ORC5: variants seen among roughly 807,000 people sequenced by gnomAD.
ORC5 encodes origin recognition complex subunit 5.
A neutral mutation model predicts 58.8 loss-of-function variants in ORC5; 39 were observed. The observed-to-expected ratio is 0.66, with a 90% confidence interval of 0.51 to 0.87. The LOEUF is 0.87. Ranked by LOEUF, ORC5 falls within the 40% of genes least tolerant of loss-of-function variation. The probability of loss-of-function intolerance (pLI) is 0.00; values close to 1 mark genes in which losing one functional copy is unlikely to be tolerated. For missense variants in ORC5, 493 were observed against 506.3 expected (o/e 0.97, Z 0.25); for synonymous variants, 218 against 177.6 (o/e 1.23, Z -1.81).
rs143740018 is a variant in ORC5 at position 104,207,793 on chromosome 7, G to A, written c.72+40C>T. The A allele has an allele frequency of 2.3e-4, 363 of 1,571,508 alleles. 1 individual carries two copies. In the African/African-American group the frequency reaches 4.1e-3, roughly 18 times the overall value. ...GAACAGGTCGCAAGACTACCGAAAC[G>A]TCTGCCTCCAGGATCTGGAAGACAG... On this transcript the variant is annotated intron_variant, in intron 1 of 13. Coordinates refer to ENST00000297431, the MANE Select transcript of ORC5 (RefSeq NM_002553.4).
chr7:104,207,451 A>G (rs551049731), intron 1 of ORC5, among the ~76,000 whole-genome samples: 104 of 152,310 alleles, frequency 6.8e-4, no homozygotes, highest in African/African-American at 2.1e-3. Flanking sequence ...CACTCCAACT[A>G]CCGCACAGAA....
Position 104,187,842 on chromosome 7 carries a change from A to G in ORC5, c.684+409T>C, listed in dbSNP as rs714519. 0.031 allele frequency: 30,119 copies of G among 987,116 alleles called. 2,442 individuals are homozygous for G. In the East Asian group the frequency reaches 0.47, roughly 15 times the overall value. 61.1% of individuals were successfully genotyped at this position (987,116 alleles called of 1,614,324 possible). A position where few individuals can be genotyped will look rare whatever the true frequency, so the allele number is the denominator to read the frequency against. On this transcript the variant is annotated intron_variant, in intron 6 of 13. Transcript: ENST00000297431. Reference sequence around the variant, plus strand: ...AAATCCATCTAGATTCTAGACCTCAATCACCGCATACATAAAACTTGAACA... The same window carrying G: ...AAATCCATCTAGATTCTAGACCTCAGTCACCGCATACATAAAACTTGAACA...
At chr7:104,192,224 G>A (rs971031094) in intron 5 of ORC5, among the ~76,000 whole-genome samples, 2 of 152,122 alleles carry the variant, frequency 1.3e-5, no homozygotes, top group Non-Finnish European at 2.9e-5. Context: ...CCAAAAAAGA[G>A]CTCCAGAAAT....
At chr7:104,156,333 CACTT>C (rs946743408) in intron 12 of ORC5, among the ~76,000 whole-genome samples, 133 of 151,828 alleles carry the variant, frequency 8.8e-4, no homozygotes, top group African/African-American at 2.7e-3. Flanking sequence ...CTATTCTCTT[CACTT>C]ACTTGTGAGA....
rs1799492743 is a variant in ORC5 at position 104,184,147 on chromosome 7, A to C, written c.709T>G (p.Cys237Gly). Residue 237 changes from cysteine (C) to glycine (G), a missense_variant, in exon 7 of 14, where the codon TGT becomes GGT. Cys to Gly is a radical substitution (Grantham distance 159). Transcript: ENST00000297431. Reference protein sequence around the residue: ...HLAVLNFPKYCEPVVKGEASE... With the variant: ...HLAVLNFPKYGEPVVKGEASE... ...CCTTCTCCTTTAACCACGGGTTCAC[A>C]ATATTTAGGAAAATTAAGTACTGCC... is the stretch of plus-strand genomic sequence containing the variant. The C allele has an allele frequency of 6.3e-7, 1 of 1,581,036 alleles. No individual in the cohort carries two copies. The highest frequency in any genetic ancestry group is 1.8e-5 in the Admixed American group (1 of 57,006).
At chr7:104,169,653 T>G (rs935919201) in intron 8 of ORC5, among the ~76,000 whole-genome samples, 6 of 152,200 alleles carry the variant, frequency 3.9e-5, no homozygotes, top group Non-Finnish European at 8.8e-5. Flanking sequence ...AAAATCTGCA[T>G]GAAGAACAGG....
intron 9 of ORC5, 104 bp from the exon 10 acceptor site, chr7:104,166,988 A>T (rs1196651453): frequency 1.6e-6 from 1 of 644,614 alleles, no homozygotes; most frequent in East Asian, 2.6e-5. Context: ...TCTCTAGTCA[A>T]AATGACCTAT....
At chr7:104,206,820 T>C (rs973589469) in intron 1 of ORC5, among the ~76,000 whole-genome samples, 1 of 152,234 alleles carries the variant, frequency 6.6e-6, no homozygotes, top group Non-Finnish European at 1.5e-5. Flanking sequence ...TGCAGACTTA[T>C]CACTGTGTTA....
chr7:104,165,342 C>T (rs963733346), intron 10 of ORC5, 60 bp from the exon 11 acceptor site: 10 of 970,456 alleles, frequency 1.0e-5, no homozygotes, highest in Middle Eastern at 4.1e-4. Flanking sequence ...AACCAGAAAA[C>T]GTTATTTATT....
chr7:104,168,511 T>C lies in ORC5; in HGVS notation c.839A>G (p.Lys280Arg). 6.4e-7 allele frequency: 1 copy of C among 1,572,054 alleles called. No individual in the cohort carries two copies. Among genetic ancestry groups the C allele is most frequent in the Non-Finnish European group, 8.6e-7 (1 of 1,162,494 alleles). Residue 280 changes from lysine (K) to arginine (R), a missense_variant, in exon 9 of 14, where the codon AAG becomes AGG. By Grantham distance (26) the Lys-to-Arg change is conservative. Transcript: ENST00000297431. ...CGGATCTGTGTCATCTTTCTGTAGCTTTTCCCACTGGGAACTGAAAAAAAA... is the reference window on the plus strand; with the variant it reads ...CGGATCTGTGTCATCTTTCTGTAGCCTTTCCCACTGGGAACTGAAAAAAAA... The part of the protein sequence containing the change: ...LREISSSQWE[K>R]LQKDDTDPGQ...
chr7:104,163,298 T>C (rs1297668943), intron 11 of ORC5, among the ~76,000 whole-genome samples: 1 of 151,744 alleles, frequency 6.6e-6, no homozygotes, highest in Non-Finnish European at 1.5e-5. Context: ...GAAATATGAA[T>C]AGAAGTGATG....
chr7:104,172,663 CA>C (rs1799235530), intron 8 of ORC5, among the ~76,000 whole-genome samples: 1 of 152,054 alleles, frequency 6.6e-6, no homozygotes, highest in Admixed American at 6.5e-5. Flanking sequence ...TCAATATTTA[CA>C]ATAATTTTCA....
At chr7:104,153,495 T>C (rs1798877542) in intron 12 of ORC5, among the ~76,000 whole-genome samples, 1 of 152,184 alleles carries the variant, frequency 6.6e-6, no homozygotes, top group Admixed American at 6.5e-5. Flanking sequence ...ATCTCAGTTG[T>C]TGTTAAGAAA....
chr7:104,157,231 T>A (rs947264982), intron 12 of ORC5, among the ~76,000 whole-genome samples: 2 of 151,942 alleles, frequency 1.3e-5, no homozygotes, highest in Non-Finnish European at 2.9e-5. Flanking sequence ...ACAATATATA[T>A]GTTATTAGAT....
At chr7:104,143,131 T>A (rs2115777800) in intron 12 of ORC5, among the ~76,000 whole-genome samples, 1 of 152,054 alleles carries the variant, frequency 6.6e-6, no homozygotes, top group African/African-American at 2.4e-5. Flanking sequence ...TGAACTCTAT[T>A]ATTAAAGGCA....
At chr7:104,132,160 T>C (rs573369997) in intron 13 of ORC5, among the ~76,000 whole-genome samples, 7 of 152,178 alleles carry the variant, frequency 4.6e-5, no homozygotes, top group Non-Finnish European at 1.0e-4. Flanking sequence ...TACAAATGAC[T>C]GCTTTATCAG....
At chr7:104,164,932 G>GA (rs1274115117) in intron 11 of ORC5, among the ~76,000 whole-genome samples, 1 of 152,220 alleles carries the variant, frequency 6.6e-6, no homozygotes, top group African/African-American at 2.4e-5. Flanking sequence ...AAAGGGGAAA[G>GA]AAAAGAGGAA....
At chr7:104,144,527 A>G (rs926957932) in intron 12 of ORC5, among the ~76,000 whole-genome samples, 1 of 152,172 alleles carries the variant, frequency 6.6e-6, no homozygotes, top group African/African-American at 2.4e-5. Context: ...AGGCCGAGGC[A>G]GGCAGATTAC....
chr7:104,176,052 G>A lies in ORC5; in HGVS notation c.825-7527C>T, dbSNP rs77294438. ...ACAGTCTTCATAAGATTGCCTACTG[G>A]GACAAATAAAGTTTAGTCATGAGAA... is the stretch of plus-strand genomic sequence containing the variant. On this transcript the variant is annotated intron_variant, in intron 8 of 13. Coordinates refer to ENST00000297431, the MANE Select transcript of ORC5 (RefSeq NM_002553.4). Among the ~76,000 whole-genome samples, 505 of 152,184 alleles carry A rather than the reference G, an allele frequency of 3.3e-3. 18 individuals are homozygous for A. In the East Asian group the frequency reaches 0.068, roughly 21 times the overall value.
Sources: gnomAD v4.1 joint callset for allele counts (sites outside exome capture counted in the v4.1 genomes callset) on GRCh38, gnomAD v4.1.1 for gene constraint, MANE v1.5 for transcripts, NCBI Gene and HGNC (gene_info 2026-07-23, HGNC 2026-07-21) for gene names.